PRRX1: variants seen among roughly 807,000 people sequenced by gnomAD.
The protein encoded by PRRX1 is paired mesoderm homeobox protein 1.
In PRRX1, 8 loss-of-function variants were observed where a neutral mutation model predicts 24.0. The observed-to-expected ratio is 0.33, with a 90% CI of 0.20 to 0.60. The LOEUF is 0.60. PRRX1 is among the 20% of genes least tolerant of loss of function. The pLI, the probability that PRRX1 is intolerant of heterozygous loss-of-function variation, is 0.82. For synonymous variants in PRRX1, 160 were observed against 131.7 expected (o/e 1.22, Z -1.47); for missense variants, 281 against 322.4 (o/e 0.87, Z 0.98).
Position 170,727,660 on chromosome 1 carries a change from T to C in PRRX1, c.599+1259T>C, listed in dbSNP as rs889165763. 3 of 152,344 alleles carry C rather than the reference T, an allele frequency of 2.0e-5. No individual in the cohort carries two copies. The South Asian group carries it at 6.2e-4, about 32-fold the overall frequency. 9.4% of individuals were successfully genotyped at this position (152,344 alleles called of 1,614,324 possible). ...CCAAATCAGTTCCTTTAGAGAAACA[T>C]GGTAAATGCACTTGGAAATTTGTTT... is the stretch of plus-strand genomic sequence containing the variant. On this transcript the variant is annotated intron_variant, in intron 3 of 3. Coordinates refer to ENST00000239461, the MANE Select transcript of PRRX1 (RefSeq NM_022716.4).
At chr1:170,704,012 T>G (rs1654480635) in intron 1 of PRRX1, among the ~76,000 whole-genome samples, 1 of 152,190 alleles carries the variant, frequency 6.6e-6, no homozygotes, top group Non-Finnish European at 1.5e-5. Flanking sequence ...AAAATTTTAA[T>G]TAAAGGTAAA....
intron 1 of PRRX1, among the ~76,000 whole-genome samples, chr1:170,679,196 T>C (rs887610436): frequency 6.6e-6 from 1 of 152,220 alleles, no homozygotes; most frequent in African/African-American, 2.4e-5. Flanking sequence ...GCACTTATCA[T>C]GGTGCTTTTT....
At chr1:170,702,156 G>A (rs1013063043) in intron 1 of PRRX1, among the ~76,000 whole-genome samples, 1 of 152,192 alleles carries the variant, frequency 6.6e-6, no homozygotes, top group Non-Finnish European at 1.5e-5. Context: ...AGAATCTAAT[G>A]CTACCGCTGA....
chr1:170,663,086 C>CTCCCTCCCTCTCTCTTGT (rs1558039361), upstream of PRRX1: 1 of 142,256 alleles, frequency 7.0e-6, no homozygotes, highest in African/African-American at 2.5e-5. Flanking sequence ...CCCTCCCTCT[C>CTCCCTCCCTCTCTCTTGT]TCCCTCCCTC....
intron 1 of PRRX1, among the ~76,000 whole-genome samples, chr1:170,709,673 TACA>T (rs1480850375): frequency 1.3e-5 from 2 of 152,230 alleles, no homozygotes; most frequent in African/African-American, 2.4e-5. Context: ...GCAGACAACA[TACA>T]ACATTTCTCT....
chr1:170,726,567 G>A, intron 3 of PRRX1, 166 bp downstream of exon 3: 1 of 819,964 alleles, frequency 1.2e-6, no homozygotes, highest in Non-Finnish European at 1.9e-6. Context: ...ATTATAAGCT[G>A]CCCCAGCAGC....
intron 3 of PRRX1, chr1:170,727,492 T>C (rs1290228896): frequency 1.3e-5 from 2 of 152,124 alleles, no homozygotes; most frequent in Non-Finnish European, 2.9e-5. Context: ...TAAGGAGAGG[T>C]TTTAAATGAA....
At chr1:170,728,184 C>G (rs1558063097) in intron 3 of PRRX1, 3 of 152,204 alleles carry the variant, frequency 2.0e-5, no homozygotes, top group African/African-American at 7.2e-5. Flanking sequence ...ACACAGCACA[C>G]ACTGCATGAA....
At chr1:170,711,527 T>A (rs1654752454) in intron 1 of PRRX1, among the ~76,000 whole-genome samples, 1 of 152,214 alleles carries the variant, frequency 6.6e-6, no homozygotes, top group East Asian at 1.9e-4. Context: ...CTGCTTCCAG[T>A]CTTGGTTTTT....
chr1:170,738,407 T>G lies in PRRX1; in HGVS notation c.*2221T>G, dbSNP rs978055449. On this transcript the variant is annotated 3_prime_UTR_variant, in exon 4 of 4. Coordinates refer to ENST00000239461, the MANE Select transcript of PRRX1 (RefSeq NM_022716.4). ...ATACATTTTGCTTTCACCAATTGAT[T>G]CCTTCTTCTTTTAGCCCACTATTAA... The G allele has an allele frequency of 1.3e-5, 3 of 226,682 alleles. No homozygotes were observed. Among genetic ancestry groups the G allele is most frequent in the Non-Finnish European group, 2.6e-5 (3 of 114,066 alleles). The allele number at this position is 226,682 out of a possible 1,614,324, so 14.0% of individuals were successfully genotyped here.
At chr1:170,705,076 T>A (rs1314692181) in intron 1 of PRRX1, among the ~76,000 whole-genome samples, 1 of 152,184 alleles carries the variant, frequency 6.6e-6, no homozygotes, top group African/African-American at 2.4e-5. Flanking sequence ...CACAATGTAA[T>A]GGGAGAACAT....
At chr1:170,675,872 T>C (rs1653304604) in intron 1 of PRRX1, among the ~76,000 whole-genome samples, 1 of 152,178 alleles carries the variant, frequency 6.6e-6, no homozygotes, top group Admixed American at 6.5e-5. Context: ...TAATAATTAA[T>C]CTTTCTCCTC....
intron 1 of PRRX1, among the ~76,000 whole-genome samples, chr1:170,678,887 C>G (rs1466432241): frequency 2.0e-5 from 3 of 152,188 alleles, no homozygotes; most frequent in East Asian, 1.9e-4. Flanking sequence ...TCAGAATGAA[C>G]TGAGGTTTCT....
chr1:170,736,076 G>A lies in PRRX1; in HGVS notation c.628G>A (p.Ala210Thr), dbSNP rs1353625176. The change falls in exon 4 of 4, where the codon GCC becomes ACC. Residue 210 changes from alanine (A) to threonine (T), a missense_variant. Physicochemically the swap from Ala to Thr is moderately conservative, Grantham distance 58. Transcript: ENST00000239461. ...CATGGCTACTTATTCTGCCACATGT[G>A]CCAACAATAGCCCTGCACAGGGCAT... is the stretch of plus-strand genomic sequence containing the variant. ...SAMATYSATC[A>T]NNSPAQGINM... is the part of the protein sequence containing the mutation. The A allele has an allele frequency of 1.9e-6, 3 of 1,614,026 alleles. No homozygotes were observed. In the South Asian group the frequency reaches 3.3e-5, roughly 18 times the overall value.
intron 1 of PRRX1, among the ~76,000 whole-genome samples, chr1:170,673,996 G>A (rs1653224666): frequency 6.6e-6 from 1 of 152,218 alleles, no homozygotes; most frequent in South Asian, 2.1e-4. Flanking sequence ...AAGAATATTT[G>A]TTGAATTTCC....
At chr1:170,708,047 T>C (rs1482270173) in intron 1 of PRRX1, among the ~76,000 whole-genome samples, 3 of 152,224 alleles carry the variant, frequency 2.0e-5, no homozygotes, top group Non-Finnish European at 4.4e-5. Flanking sequence ...GTTTAATCAA[T>C]ACAACTTTTT....
chr1:170,673,925 C>T (rs1571314066), intron 1 of PRRX1, among the ~76,000 whole-genome samples: 1 of 152,200 alleles, frequency 6.6e-6, no homozygotes, highest in East Asian at 1.9e-4. Flanking sequence ...TGTGGAAACT[C>T]TCTGTATCCA....
At chr1:170,685,264 A>G (rs976008765) in intron 1 of PRRX1, among the ~76,000 whole-genome samples, 1 of 152,168 alleles carries the variant, frequency 6.6e-6, no homozygotes, top group Non-Finnish European at 1.5e-5. Flanking sequence ...GACTGGACCC[A>G]TTATCCTTGC....
rs552675898 is a variant in PRRX1 at position 170,725,334 on chromosome 1, G to A, written c.418-886G>A. On this transcript the variant is annotated intron_variant, in intron 2 of 3. Coordinates refer to ENST00000239461, the MANE Select transcript of PRRX1 (RefSeq NM_022716.4). ...AAATTAAATTATAGGTTTATTATTAGTTGTAGCAAATGCTGTCAGTGCTGT... is the reference window on the plus strand; with the variant it reads ...AAATTAAATTATAGGTTTATTATTAATTGTAGCAAATGCTGTCAGTGCTGT... Among the ~76,000 whole-genome samples, 317 of 152,272 alleles carry A rather than the reference G, an allele frequency of 2.1e-3. 2 individuals carry two copies. Among genetic ancestry groups the A allele is most frequent in the African/African-American group, 7.3e-3 (302 of 41,560 alleles).
Sources: allele counts gnomAD v4.1 joint callset (sites outside exome capture counted in the v4.1 genomes callset), GRCh38; gene constraint gnomAD v4.1.1; transcripts MANE v1.5; gene names NCBI Gene and HGNC (gene_info 2026-07-23, HGNC 2026-07-21).